CRB1: variants seen among roughly 807,000 people sequenced by gnomAD.
The protein encoded by CRB1 is protein crumbs homolog 1.
CRB1 carries 83 observed loss-of-function variants against 120.0 expected under a neutral mutation model. That is an observed-to-expected ratio of 0.69 (90% CI 0.58 to 0.83). The LOEUF is 0.83. Among genes scored for constraint, CRB1 ranks in the 40% least tolerant of loss-of-function variants. The pLI, the probability that CRB1 is intolerant of heterozygous loss-of-function variation, is 0.00. For synonymous variants in CRB1, 625 were observed against 612.5 expected, an observed-to-expected ratio of 1.02 and a Z score of -0.30; for missense variants, 1,699 against 1,687.6, an observed-to-expected ratio of 1.01 and a Z score of -0.12.
At chr1:197,305,405 A>C (rs1223654798) in intron 1 of CRB1, among the ~76,000 whole-genome samples, 1 of 152,184 alleles carries the variant, frequency 6.6e-6, no homozygotes, top group Admixed American at 6.6e-5. Flanking sequence ...TAGAGTATAC[A>C]TATATGTTCC....
intron 1 of CRB1, among the ~76,000 whole-genome samples, chr1:197,319,056 A>G (rs937040248): frequency 9.9e-5 from 15 of 151,906 alleles, no homozygotes; most frequent in African/African-American, 3.4e-4. Context: ...GGACCTGATA[A>G]TATCTTCTAA....
chr1:197,466,248 A>G (rs1666745585), intron 11 of CRB1, among the ~76,000 whole-genome samples: 1 of 152,210 alleles, frequency 6.6e-6, no homozygotes. Context: ...GAGGCAGTTC[A>G]GGCTCTAGTA....
chr1:197,361,853 T>C (rs1013333786), intron 5 of CRB1, among the ~76,000 whole-genome samples: 2 of 152,006 alleles, frequency 1.3e-5, no homozygotes, highest in African/African-American at 4.8e-5. Flanking sequence ...TATATCCTTA[T>C]TTCTGTTTGC....
At chr1:197,319,427 C>A (rs1658053758) in intron 1 of CRB1, among the ~76,000 whole-genome samples, 2 of 50,744 alleles carry the variant, frequency 3.9e-5, no homozygotes, top group Non-Finnish European at 6.3e-5. Context: ...AGTGAGACTC[C>A]ATCTCAAAAA....
At chr1:197,376,432 A>G (rs983213852) in intron 5 of CRB1, among the ~76,000 whole-genome samples, 2 of 152,198 alleles carry the variant, frequency 1.3e-5, no homozygotes, top group Non-Finnish European at 1.5e-5. Context: ...AAAACAAAAC[A>G]AAAATTCACA....
intron 5 of CRB1, among the ~76,000 whole-genome samples, chr1:197,377,446 G>A (rs1326162765): frequency 6.6e-6 from 1 of 152,176 alleles, no homozygotes; most frequent in Non-Finnish European, 1.5e-5. Context: ...CAACCCACAT[G>A]TCAGGTAAAG....
intron 11 of CRB1, among the ~76,000 whole-genome samples, chr1:197,460,790 A>G (rs980950921): frequency 1.3e-5 from 2 of 152,156 alleles, no homozygotes; most frequent in African/African-American, 4.8e-5. Context: ...AGAAAATTCT[A>G]GAAGTCTTAA....
intron 11 of CRB1, among the ~76,000 whole-genome samples, chr1:197,450,724 A>C (rs1298852525): frequency 6.9e-6 from 1 of 145,602 alleles, no homozygotes; most frequent in Non-Finnish European, 1.5e-5. Context: ...GCGGATCACG[A>C]GGTCAAGAGA....
At chr1:197,468,045 T>C (rs945187868) in intron 11 of CRB1, among the ~76,000 whole-genome samples, 22 of 152,308 alleles carry the variant, frequency 1.4e-4, no homozygotes, top group Admixed American at 7.2e-4. Context: ...CATAAGGAGT[T>C]ATCCTTCTGT....
At chr1:197,323,973 C>T (rs1328331909) in intron 1 of CRB1, among the ~76,000 whole-genome samples, 1 of 152,098 alleles carries the variant, frequency 6.6e-6, no homozygotes, top group Non-Finnish European at 1.5e-5. Flanking sequence ...CAAATAGCAA[C>T]GTGCCTATCA....
At chr1:197,405,748 ACC>A (rs1282074249) in intron 5 of CRB1, among the ~76,000 whole-genome samples, 2 of 138,128 alleles carry the variant, frequency 1.4e-5, no homozygotes. Context: ...AAGTGAGGAG[ACC>A]CTCCGCCTGG....
intron 5 of CRB1, among the ~76,000 whole-genome samples, chr1:197,365,555 T>G (rs1661017449): frequency 6.6e-6 from 1 of 151,758 alleles, no homozygotes; most frequent in Non-Finnish European, 1.5e-5. Flanking sequence ...CTCTGGCTGC[T>G]CTTTTTTCTT....
chr1:197,339,864 T>C (rs1301463277), intron 2 of CRB1, among the ~76,000 whole-genome samples: 1 of 152,214 alleles, frequency 6.6e-6, no homozygotes, highest in Admixed American at 6.5e-5. Context: ...TTTGGGCTTT[T>C]GATTTATGGC....
intron 11 of CRB1, among the ~76,000 whole-genome samples, chr1:197,448,376 CT>C (rs1452989087): frequency 2.0e-5 from 3 of 152,210 alleles, no homozygotes; most frequent in Non-Finnish European, 4.4e-5. Flanking sequence ...AGGAGTTCCA[CT>C]GGTCTAGTGC....
chr1:197,370,121 C>A (rs1661293944), intron 5 of CRB1, among the ~76,000 whole-genome samples: 1 of 151,956 alleles, frequency 6.6e-6, no homozygotes, highest in South Asian at 2.1e-4. Context: ...ACTTCCAAGC[C>A]AGGACTACAA....
At chr1:197,443,950 A>C (rs1200668274) in intron 11 of CRB1, 1 of 152,190 alleles carries the variant, frequency 6.6e-6, no homozygotes, top group African/African-American at 2.4e-5. Flanking sequence ...GAATTAATTC[A>C]GAAAGCAACT....
At chr1:197,311,686 C>T (rs1198274462) in intron 1 of CRB1, among the ~76,000 whole-genome samples, 1 of 141,060 alleles carries the variant, frequency 7.1e-6, no homozygotes, top group African/African-American at 2.7e-5. Context: ...ACATGCATCA[C>T]CTCATATAGT....
intron 1 of CRB1, among the ~76,000 whole-genome samples, chr1:197,297,510 G>T (rs1314417851): frequency 6.6e-6 from 1 of 152,062 alleles, no homozygotes; most frequent in East Asian, 1.9e-4. Flanking sequence ...GCATGGGAGT[G>T]CAGGATGAAA....
chr1:197,460,718 TTC>T (rs1402515947), intron 11 of CRB1, among the ~76,000 whole-genome samples: 2 of 152,206 alleles, frequency 1.3e-5, no homozygotes, highest in African/African-American at 4.8e-5. Flanking sequence ...AATTTTGGTT[TTC>T]TGTTTCCTAG....
Sources: gnomAD v4.1 joint callset for allele counts (sites outside exome capture counted in the v4.1 genomes callset) on GRCh38, gnomAD v4.1.1 for gene constraint, MANE v1.5 for transcripts, NCBI Gene and HGNC (gene_info 2026-07-23, HGNC 2026-07-21) for gene names.